Variants in DCDC1 observed in about 807,000 individuals in gnomAD.
DCDC1 encodes the protein doublecortin domain containing 1, also known as doublecortin domain-containing protein 1.
In DCDC1, 200 loss-of-function variants were observed where a neutral mutation model predicts 178.3. The observed-to-expected ratio is 1.12, with a 90% CI of 1.00 to 1.26. DCDC1 has a LOEUF of 1.26. Among genes scored for constraint, DCDC1 ranks in the 50% most tolerant of loss-of-function variants. The probability of loss-of-function intolerance (pLI) is 0.00; values close to 1 mark genes in which losing one functional copy is unlikely to be tolerated. For synonymous variants in DCDC1, 690 were observed against 604.8 expected, an observed-to-expected ratio of 1.14 and a Z score of -2.07; for missense variants, 1,983 against 1,749.2, an observed-to-expected ratio of 1.13 and a Z score of -2.38.
chr11:31,219,334 A>G (rs1394458807), intron 9 of DCDC1, among the ~76,000 whole-genome samples: 2 of 152,068 alleles, frequency 1.3e-5, no homozygotes, highest in Non-Finnish European at 2.9e-5. Context: ...AATAAGACTC[A>G]CTCTCACAAT....
chr11:31,290,604 C>A (rs1193631293), intron 7 of DCDC1, 43 bp downstream of exon 7: 2 of 1,542,490 alleles, frequency 1.3e-6, no homozygotes, highest in Non-Finnish European at 1.7e-6. Flanking sequence ...AGCCACAAAA[C>A]TTTGAAATTA....
intron 9 of DCDC1, among the ~76,000 whole-genome samples, chr11:31,146,930 G>C (rs1209295270): frequency 6.6e-6 from 1 of 152,138 alleles, no homozygotes; most frequent in Admixed American, 6.5e-5. Context: ...CCTTCCGCCT[G>C]CCTTTGATAT....
At chr11:31,194,314 CA>C (rs1238528134) in intron 9 of DCDC1, among the ~76,000 whole-genome samples, 1 of 151,950 alleles carries the variant, frequency 6.6e-6, no homozygotes, top group East Asian at 1.9e-4. Flanking sequence ...TTCTCCATAC[CA>C]AAATTTCTGA....
At chr11:31,106,454 C>G (rs1591064533) in intron 13 of DCDC1, among the ~76,000 whole-genome samples, 1 of 152,142 alleles carries the variant, frequency 6.6e-6, no homozygotes, top group Non-Finnish European at 1.5e-5. Context: ...GGGCAGTGTG[C>G]GACAATGACA....
At chr11:31,259,886 G>A (rs1471437201) in intron 8 of DCDC1, among the ~76,000 whole-genome samples, 2 of 152,220 alleles carry the variant, frequency 1.3e-5, no homozygotes, top group African/African-American at 2.4e-5. Flanking sequence ...CAGTCATGTG[G>A]GTCTGAATTA....
At chr11:31,118,664 A>G (rs992648211) in intron 11 of DCDC1, among the ~76,000 whole-genome samples, 39 of 152,220 alleles carry the variant, frequency 2.6e-4, no homozygotes, top group African/African-American at 8.9e-4. Flanking sequence ...ACTGAGAGAG[A>G]GTGTGTGCCT....
chr11:30,999,561 C>T (rs928182005), intron 20 of DCDC1, among the ~76,000 whole-genome samples: 4 of 152,134 alleles, frequency 2.6e-5, no homozygotes, highest in East Asian at 3.9e-4. Flanking sequence ...AACATGTGAA[C>T]GTAATGCCAG....
At chr11:31,329,559 C>A (rs979916045) in intron 2 of DCDC1, among the ~76,000 whole-genome samples, 2 of 152,128 alleles carry the variant, frequency 1.3e-5, no homozygotes, top group Non-Finnish European at 2.9e-5. Flanking sequence ...TGCCCCCCAC[C>A]CCACAACAGG....
chr11:31,251,497 T>G (rs977176180), intron 8 of DCDC1, among the ~76,000 whole-genome samples: 4 of 151,902 alleles, frequency 2.6e-5, no homozygotes, highest in Non-Finnish European at 5.9e-5. Flanking sequence ...GGACTGTAAC[T>G]AACTATGCAT....
At chr11:31,028,912 T>C (rs1052653672) in intron 20 of DCDC1, among the ~76,000 whole-genome samples, 47 of 152,180 alleles carry the variant, frequency 3.1e-4, no homozygotes, top group African/African-American at 1.1e-3. Flanking sequence ...CACTGTGCAG[T>C]AAGTCAACAC....
chr11:30,865,609 T>G (rs1237051153), intron 38 of DCDC1, among the ~76,000 whole-genome samples: 5 of 152,320 alleles, frequency 3.3e-5, no homozygotes. Flanking sequence ...TTACTAAGAC[T>G]GACCGGAAAT....
intron 1 of DCDC1, among the ~76,000 whole-genome samples, chr11:31,341,868 TAGAA>T (rs1950569314): frequency 6.6e-6 from 1 of 151,778 alleles, no homozygotes; most frequent in Non-Finnish European, 1.5e-5. Flanking sequence ...TGTTTCTCTG[TAGAA>T]CCCTGACTAA....
intron 6 of DCDC1, among the ~76,000 whole-genome samples, chr11:31,294,647 G>C (rs868149729): frequency 0.15 from 726 of 4,826 alleles, 89 homozygotes; most frequent in Non-Finnish European, 0.23. Flanking sequence ...GGGGAGGGGA[G>C]GGAGGGGGGG....
At chr11:31,022,263 A>G (rs1362595736) in intron 20 of DCDC1, among the ~76,000 whole-genome samples, 1 of 151,784 alleles carries the variant, frequency 6.6e-6, no homozygotes, top group African/African-American at 2.4e-5. Flanking sequence ...TTTCCTGCCA[A>G]CTCTTGGTGT....
At chr11:31,311,332 G>A (rs1948761802) in intron 3 of DCDC1, among the ~76,000 whole-genome samples, 1 of 152,130 alleles carries the variant, frequency 6.6e-6, no homozygotes, top group African/African-American at 2.4e-5. Context: ...GGTAATATGG[G>A]CTGTCAGTGC....
Position 31,144,512 on chromosome 11 carries a change from C to T in DCDC1, c.1222-6728G>A, listed in dbSNP as rs1386077005. On this transcript the variant is annotated intron_variant, in intron 9 of 38. Transcript: ENST00000684477. ...TACATAGTTGTAGCATTTATGTTTT[C>T]ACTAGCTATAAATAAAAACACCAGT... 6.6e-5 allele frequency among the ~76,000 whole-genome samples: 10 copies of T among 152,260 alleles called. 1 individual carries two copies. In the South Asian group the frequency reaches 1.0e-3, roughly 16 times the overall value.
At chr11:31,204,983 A>G (rs527962953) in intron 9 of DCDC1, among the ~76,000 whole-genome samples, 1 of 152,330 alleles carries the variant, frequency 6.6e-6, no homozygotes, top group African/African-American at 2.4e-5. Context: ...TGGCATTGAC[A>G]ATACTCTCAG....
chr11:31,369,436 G>A (rs2133452466), intron 1 of DCDC1, among the ~76,000 whole-genome samples: 1 of 152,258 alleles, frequency 6.6e-6, no homozygotes, highest in East Asian at 1.9e-4. Context: ...GTAGGGACGA[G>A]AGTGGCATCA....
At chr11:31,079,031 C>T (rs1957025419) in intron 17 of DCDC1, among the ~76,000 whole-genome samples, 1 of 152,112 alleles carries the variant, frequency 6.6e-6, no homozygotes, top group African/African-American at 2.4e-5. Flanking sequence ...GAGCTTCTAA[C>T]TCCCTTGACA....
Sources: gnomAD v4.1 joint callset for allele counts (sites outside exome capture counted in the v4.1 genomes callset) on GRCh38, gnomAD v4.1.1 for gene constraint, MANE v1.5 for transcripts, NCBI Gene and HGNC (gene_info 2026-07-23, HGNC 2026-07-21) for gene names.